Variants in TTC27 observed in about 807,000 individuals in gnomAD.
TTC27 encodes the protein tetratricopeptide repeat protein 27.
TTC27 carries 79 observed loss-of-function variants against 115.9 expected under a neutral mutation model. The observed-to-expected ratio is 0.68, with a 90% CI of 0.57 to 0.82. The LOEUF (loss-of-function observed/expected upper bound fraction) is 0.82, where lower values mean the gene tolerates loss of function less well. Ranked by LOEUF, TTC27 falls within the 40% of genes least tolerant of loss-of-function variation. The pLI, the probability that TTC27 is intolerant of heterozygous loss-of-function variation, is 0.00. For synonymous variants in TTC27, 401 were observed against 356.0 expected (o/e 1.13, Z -1.42); for missense variants, 1,054 against 993.1 (o/e 1.06, Z -0.82).
chr2:32,657,353 C>CTT (rs988569906), intron 5 of TTC27, among the ~76,000 whole-genome samples: 170 of 128,304 alleles, frequency 1.3e-3, no homozygotes, highest in African/African-American at 2.8e-3. Flanking sequence ...CACTGTCTTT[C>CTT]TTTTTTTTTT....
chr2:32,749,871 C>T (rs1214587668), intron 12 of TTC27, among the ~76,000 whole-genome samples: 1 of 151,744 alleles, frequency 6.6e-6, no homozygotes, highest in Non-Finnish European at 1.5e-5. Flanking sequence ...TATGTTACTA[C>T]CAAATGGAAG....
intron 3 of TTC27, among the ~76,000 whole-genome samples, chr2:32,636,211 G>A (rs376827870): frequency 1.4e-4 from 21 of 151,996 alleles, no homozygotes; most frequent in Admixed American, 3.9e-4. Flanking sequence ...TACTTAATTC[G>A]CATTTCTTTT....
chr2:32,730,290 A>G (rs1395234744), intron 10 of TTC27, among the ~76,000 whole-genome samples: 1 of 152,232 alleles, frequency 6.6e-6, no homozygotes, highest in East Asian at 1.9e-4. Flanking sequence ...AAACACAAGT[A>G]TTGTTCAAAA....
chr2:32,678,604 T>G (rs1489074533), intron 8 of TTC27, among the ~76,000 whole-genome samples: 1 of 151,990 alleles, frequency 6.6e-6, no homozygotes, highest in Non-Finnish European at 1.5e-5. Context: ...ATTTTTTGTA[T>G]TTTTAGTAGA....
chr2:32,664,506 A>T (rs761403086), intron 6 of TTC27, 39 bp downstream of exon 6: 5 of 1,556,302 alleles, frequency 3.2e-6, no homozygotes, highest in Admixed American at 2.0e-5. Flanking sequence ...TTTTATTTTT[A>T]TGATAAAACT....
intron 16 of TTC27, among the ~76,000 whole-genome samples, chr2:32,793,151 A>G (rs1172418246): frequency 6.6e-6 from 1 of 152,196 alleles, no homozygotes. Context: ...TATACTGACT[A>G]AAATGAAATC....
Position 32,774,616 on chromosome 2 carries a change from T to C in TTC27, c.1681-3266T>C, listed in dbSNP as rs547805578. ...CGAGAGAGGTTTTTTTTGAAGCTTC[T>C]TTTGATTTTGTTTTTCTTTTATGAT... On this transcript the variant is annotated intron_variant, in intron 13 of 19. Coordinates refer to ENST00000317907, the MANE Select transcript of TTC27 (RefSeq NM_017735.5). Among the ~76,000 whole-genome samples, 91 of 152,316 alleles carry C rather than the reference T, an allele frequency of 6.0e-4. 1 individual carries two copies. Among genetic ancestry groups the C allele is most frequent in the South Asian group, 1.5e-3 (7 of 4,820 alleles).
At chr2:32,791,775 T>C (rs1381040354) in intron 16 of TTC27, among the ~76,000 whole-genome samples, 1 of 152,160 alleles carries the variant, frequency 6.6e-6, no homozygotes, top group Non-Finnish European at 1.5e-5. Context: ...CTTGTGAGGC[T>C]ACAGCAGGAG....
intron 7 of TTC27, among the ~76,000 whole-genome samples, chr2:32,667,185 C>T (rs1003317141): frequency 6.6e-6 from 1 of 152,010 alleles, no homozygotes; most frequent in Non-Finnish European, 1.5e-5. Context: ...AATATATAAA[C>T]ATTATCAGAA....
intron 13 of TTC27, among the ~76,000 whole-genome samples, chr2:32,769,875 A>G (rs918728553): frequency 2.0e-5 from 3 of 152,192 alleles, no homozygotes; most frequent in Non-Finnish European, 4.4e-5. Context: ...TATAGGTTAA[A>G]TGGAGAGAGG....
At position 32,740,808 on chromosome 2, in the gene TTC27, C is replaced by A. The variant is rs1006464978; in HGVS notation, c.1452+3992C>A. Among the ~76,000 whole-genome samples the A allele has an allele frequency of 3.3e-5, 5 of 152,112 alleles. No homozygotes were observed. The East Asian group carries it at 9.7e-4, about 29-fold the overall frequency. On this transcript the variant is annotated intron_variant, in intron 12 of 19. Coordinates refer to ENST00000317907, the MANE Select transcript of TTC27 (RefSeq NM_017735.5). ...TAGCTGGGATTACAGGCGTGCAGCA[C>A]CTTGCCTGGCTGATTTTTGTATTTT...
chr2:32,696,165 A>C (rs1666980266), intron 9 of TTC27, among the ~76,000 whole-genome samples: 2 of 151,606 alleles, frequency 1.3e-5, no homozygotes. Flanking sequence ...GACTGACTTC[A>C]CTCAGCATGG....
In TTC27 at chr2:32,630,706, A is replaced by G; in HGVS notation, c.266+6A>G. 6.3e-7 allele frequency: 1 copy of G among 1,596,030 alleles called. No individual in the cohort carries two copies. Among genetic ancestry groups the G allele is most frequent in the Non-Finnish European group, 8.5e-7 (1 of 1,173,238 alleles). On this transcript the variant is annotated splice_donor_region_variant and intron_variant, in intron 2 of 19. Transcript: ENST00000317907. Reference sequence around the variant, plus strand: ...GATTTGGACACAACGGAAAGGTAGAATTTTATTTGAAATTTTCATAGAGGA... The same window carrying G: ...GATTTGGACACAACGGAAAGGTAGAGTTTTATTTGAAATTTTCATAGAGGA...
At chr2:32,645,919 C>G (rs1664837286) in intron 4 of TTC27, among the ~76,000 whole-genome samples, 1 of 151,810 alleles carries the variant, frequency 6.6e-6, no homozygotes, top group East Asian at 1.9e-4. Context: ...GGATTTTCAC[C>G]ATGTTGGTCA....
chr2:32,678,395 GTATTTATT>G (rs773344856), intron 8 of TTC27, among the ~76,000 whole-genome samples: 1 of 151,320 alleles, frequency 6.6e-6, no homozygotes, highest in African/African-American at 2.4e-5. Context: ...TAATGCCATA[GTATTTATT>G]TATTTATTTA....
intron 5 of TTC27, among the ~76,000 whole-genome samples, chr2:32,656,096 C>CT (rs141713712): frequency 1.2e-4 from 17 of 147,610 alleles, no homozygotes; most frequent in African/African-American, 9.9e-5. Flanking sequence ...TTCATAATGT[C>CT]TTTTTTTTTT....
intron 6 of TTC27, 72 bp downstream of exon 6, chr2:32,664,539 G>A: frequency 2.3e-6 from 3 of 1,310,216 alleles, no homozygotes; most frequent in East Asian, 2.5e-5. Context: ...AGTTTGTATT[G>A]TATGTTGGTA....
At chr2:32,657,229 C>T in intron 5 of TTC27, among the ~76,000 whole-genome samples, 1 of 152,028 alleles carries the variant, frequency 6.6e-6, no homozygotes, top group East Asian at 1.9e-4. Context: ...TCGTGGTCTG[C>T]CCACCTCAGT....
chr2:32,817,464 A>G lies in TTC27; in HGVS notation c.2316A>G (p.Ile772Met), dbSNP rs752970132. 1.9e-6 allele frequency: 3 copies of G among 1,613,896 alleles called. No individual in the cohort carries two copies. Among genetic ancestry groups the G allele is most frequent in the Admixed American group, 3.3e-5 (2 of 60,018 alleles). Residue 772 changes from isoleucine to methionine, a missense_variant, in exon 19 of 20, where the codon ATA (isoleucine) becomes ATG (methionine). Ile to Met is a conservative substitution (Grantham distance 10, BLOSUM62 1). Transcript: ENST00000317907. ...TCCATACTTATCTTCCAGTGGCCAT[A>G]AAATGCAGTAAAAACAAATCCAGTT... ...QRALGLAHVA[I>M]KCSKNKSSSQ...
Sources: allele counts gnomAD v4.1 joint callset (sites outside exome capture counted in the v4.1 genomes callset), GRCh38; gene constraint gnomAD v4.1.1; transcripts MANE v1.5; gene names NCBI Gene and HGNC (gene_info 2026-07-23, HGNC 2026-07-21).